Variants in SNTG1 observed in about 807,000 individuals in gnomAD.
The protein encoded by SNTG1 is gamma-1-syntrophin.
In SNTG1, 39 loss-of-function variants were observed where a neutral mutation model predicts 74.7. The observed-to-expected ratio is 0.52, with a 90% CI of 0.40 to 0.68. The LOEUF (loss-of-function observed/expected upper bound fraction) is 0.68, where lower values mean the gene tolerates loss of function less well. SNTG1 is among the 30% of genes least tolerant of loss of function. The pLI is 0.00. For synonymous variants in SNTG1, 254 were observed against 217.1 expected (o/e 1.17, Z -1.49); for missense variants, 685 against 609.5 (o/e 1.12, Z -1.30).
At chr8:50,713,882 A>G (rs2095468701) in intron 17 of SNTG1, among the ~76,000 whole-genome samples, 1 of 151,874 alleles carries the variant, frequency 6.6e-6, no homozygotes, top group Admixed American at 6.6e-5. Context: ...ACATAATGAA[A>G]CCTTGCCTCT....
In SNTG1 at chr8:50,496,189, T is replaced by C. The variant is rs78294263; in HGVS notation, c.364-6589T>C. Among the ~76,000 whole-genome samples the C allele has an allele frequency of 2.8e-3, 425 of 152,300 alleles. 3 individuals are homozygous for C. The highest frequency in any genetic ancestry group is 9.8e-3 in the African/African-American group (409 of 41,562). On this transcript the variant is annotated intron_variant, in intron 8 of 18. Coordinates refer to ENST00000642720, the MANE Select transcript of SNTG1 (RefSeq NM_018967.5). ...AAATAATTTACTATGTCAAGTGGGA[T>C]GAGTCCAATATCTAAGTGACCGTTT...
At chr8:50,371,857 C>A (rs2092276786) in intron 2 of SNTG1, among the ~76,000 whole-genome samples, 1 of 152,122 alleles carries the variant, frequency 6.6e-6, no homozygotes, top group African/African-American at 2.4e-5. Context: ...GCTACCCCTG[C>A]TCCCTTTGGC....
intron 2 of SNTG1, among the ~76,000 whole-genome samples, chr8:50,251,080 T>G (rs1346815542): frequency 6.6e-6 from 1 of 151,408 alleles, no homozygotes; most frequent in African/African-American, 2.4e-5. Context: ...AAAATGCAAA[T>G]GAAAAGGGAG....
intron 15 of SNTG1, among the ~76,000 whole-genome samples, chr8:50,692,604 T>G: frequency 6.6e-6 from 1 of 152,152 alleles, no homozygotes; most frequent in East Asian, 1.9e-4. Context: ...TGATCGTTCC[T>G]CTGGAAGTTT....
chr8:50,597,789 G>C (rs1373301679), intron 13 of SNTG1, among the ~76,000 whole-genome samples: 1 of 151,772 alleles, frequency 6.6e-6, no homozygotes, highest in Non-Finnish European at 1.5e-5. Context: ...TTTTGGTTTT[G>C]ATTTGTATTT....
chr8:49,943,809 AT>A, intron 1 of SNTG1, among the ~76,000 whole-genome samples: 1 of 152,176 alleles, frequency 6.6e-6, no homozygotes, highest in Non-Finnish European at 1.5e-5. Flanking sequence ...TTGTATTTGC[AT>A]TTTATTTCCA....
intron 2 of SNTG1, among the ~76,000 whole-genome samples, chr8:50,237,961 T>C (rs1020801017): frequency 6.6e-6 from 1 of 152,146 alleles, no homozygotes; most frequent in Non-Finnish European, 1.5e-5. Context: ...ACTAGAATGA[T>C]ACAACTTTTT....
intron 13 of SNTG1, among the ~76,000 whole-genome samples, chr8:50,618,154 C>G (rs2094897619): frequency 6.6e-6 from 1 of 152,166 alleles, no homozygotes. Context: ...CACAAAGCTG[C>G]AAATTACAAG....
chr8:50,692,397 T>A (rs1190328768), intron 15 of SNTG1, among the ~76,000 whole-genome samples: 1 of 152,156 alleles, frequency 6.6e-6, no homozygotes, highest in Non-Finnish European at 1.5e-5. Context: ...ACCTTTGGTC[T>A]TTGATGATGG....
At chr8:50,722,713 T>C (rs1011319543) in intron 17 of SNTG1, among the ~76,000 whole-genome samples, 2 of 152,196 alleles carry the variant, frequency 1.3e-5, no homozygotes, top group African/African-American at 2.4e-5. Flanking sequence ...AATGATTCTG[T>C]TATAGTGAAC....
chr8:50,453,475 C>T (rs550003824), intron 8 of SNTG1, among the ~76,000 whole-genome samples: 48 of 152,154 alleles, frequency 3.2e-4, no homozygotes, highest in Non-Finnish European at 5.7e-4. Context: ...TGCCCAGCAC[C>T]GCTTGGCATG....
chr8:50,163,745 G>A (rs918426837), intron 1 of SNTG1: 2 of 152,108 alleles, frequency 1.3e-5, no homozygotes, highest in African/African-American at 4.8e-5. Flanking sequence ...ACCTCCCAAA[G>A]TGCTGGGATT....
At chr8:50,128,506 A>G (rs1363554897) in intron 1 of SNTG1, among the ~76,000 whole-genome samples, 1 of 152,182 alleles carries the variant, frequency 6.6e-6, no homozygotes, top group Non-Finnish European at 1.5e-5. Flanking sequence ...ATAAGTACTT[A>G]CATTCTTTCA....
At chr8:50,558,613 C>T (rs977551930) in intron 12 of SNTG1, among the ~76,000 whole-genome samples, 2 of 151,422 alleles carry the variant, frequency 1.3e-5, no homozygotes, top group African/African-American at 2.4e-5. Flanking sequence ...TGAGGTATAA[C>T]CGGTGGGAAA....
chr8:50,541,182 A>G (rs907386505), intron 11 of SNTG1, among the ~76,000 whole-genome samples: 1 of 151,934 alleles, frequency 6.6e-6, no homozygotes, highest in South Asian at 2.1e-4. Flanking sequence ...ACATTGCAAA[A>G]CTGTAATACA....
chr8:50,689,550 T>G (rs780065000), intron 15 of SNTG1, among the ~76,000 whole-genome samples: 19 of 152,260 alleles, frequency 1.2e-4, no homozygotes, highest in Non-Finnish European at 2.5e-4. Flanking sequence ...TGGATTAAAT[T>G]TATTGATTTG....
chr8:50,415,050 AATT>A (rs1480588971), intron 4 of SNTG1, among the ~76,000 whole-genome samples: 1 of 152,196 alleles, frequency 6.6e-6, no homozygotes, highest in African/African-American at 2.4e-5. Context: ...TAAAACTTTA[AATT>A]ATTATCCTGG....
Position 50,362,794 on chromosome 8 carries a change from C to A in SNTG1, c.-27-31418C>A, listed in dbSNP as rs528868050. Among the ~76,000 whole-genome samples the A allele has an allele frequency of 6.6e-5, 10 of 152,172 alleles. No individual in the cohort carries two copies. The East Asian group carries it at 1.9e-3, about 29-fold the overall frequency. Reference sequence around the variant, plus strand: ...TATGGTGAGTTTTATGGGAAGTATACTTTACTCTGGGTGTTAAATAAGGCT... The same window carrying A: ...TATGGTGAGTTTTATGGGAAGTATAATTTACTCTGGGTGTTAAATAAGGCT... On this transcript the variant is annotated intron_variant, in intron 2 of 18. Coordinates refer to ENST00000642720, the MANE Select transcript of SNTG1 (RefSeq NM_018967.5).
intron 2 of SNTG1, among the ~76,000 whole-genome samples, chr8:50,364,142 G>T (rs2092041625): frequency 6.6e-6 from 1 of 152,138 alleles, no homozygotes; most frequent in African/African-American, 2.4e-5. Flanking sequence ...TCAGTCTCCA[G>T]TCCCTCTTGC....
Sources: gnomAD v4.1 joint callset for allele counts (sites outside exome capture counted in the v4.1 genomes callset) on GRCh38, gnomAD v4.1.1 for gene constraint, MANE v1.5 for transcripts, NCBI Gene and HGNC (gene_info 2026-07-23, HGNC 2026-07-21) for gene names.